UBOX5: variants seen among roughly 807,000 people sequenced by gnomAD.
UBOX5 encodes the protein U-box domain containing 5, also known as RING finger protein 37.
Under a neutral mutation model 39.0 loss-of-function variants are expected in UBOX5, and 28 were observed. That is an observed-to-expected ratio of 0.72 (90% CI 0.53 to 0.98). The LOEUF is 0.98. Ranked by LOEUF, UBOX5 falls within the 50% of genes least tolerant of loss-of-function variation. The pLI is 0.00. For synonymous variants in UBOX5, 283 were observed against 275.5 expected, an observed-to-expected ratio of 1.03 and a Z score of -0.27; for missense variants, 585 against 674.4, an observed-to-expected ratio of 0.87 and a Z score of 1.47.
At chr20:3,124,540 G>A (rs963138758) in intron 1 of UBOX5, among the ~76,000 whole-genome samples, 7 of 152,144 alleles carry the variant, frequency 4.6e-5, no homozygotes, top group South Asian at 2.1e-4. Context: ...CTGCCCGGCC[G>A]CCACCCCATC....
rs2066599368 is a variant in UBOX5 at position 3,149,119 on chromosome 20, G to A, written c.-42+10647C>T. ...TGGCAGTCAGAATACAGTCCTCACA[G>A]ATTTGACCAGGCAATTTCTTGTTTA... On this transcript the variant is annotated intron_variant, in intron 1 of 4. Coordinates refer to ENST00000217173, the MANE Select transcript of UBOX5 (RefSeq NM_014948.4). This position sits in a 1 kb window ranked among gnomAD's most constrained non-coding sequence, Gnocchi z 4.1. 6.5e-7 allele frequency: 1 copy of A among 1,542,274 alleles called. No homozygotes were observed. Among genetic ancestry groups the A allele is most frequent in the Admixed American group, 2.0e-5 (1 of 48,930 alleles).
intron 1 of UBOX5, chr20:3,147,379 A>G: frequency 6.2e-7 from 1 of 1,614,224 alleles, no homozygotes; most frequent in Non-Finnish European, 8.5e-7. Flanking sequence ...TCTCCAGTAA[A>G]AAGACAGTTT....
At chr20:3,132,418 GA>G (rs1258447730) in intron 1 of UBOX5, among the ~76,000 whole-genome samples, 1 of 152,082 alleles carries the variant, frequency 6.6e-6, no homozygotes, top group Non-Finnish European at 1.5e-5. Context: ...TTAGTTATAA[GA>G]AATGTACCGC....
intron 3 of UBOX5, among the ~76,000 whole-genome samples, chr20:3,117,781 CAGG>C: frequency 6.6e-6 from 1 of 152,204 alleles, no homozygotes; most frequent in South Asian, 2.1e-4. Flanking sequence ...CACCTGAGGT[CAGG>C]AGTTCAAGAC....
intron 1 of UBOX5, chr20:3,147,124 C>A: frequency 1.2e-6 from 2 of 1,613,838 alleles, no homozygotes; most frequent in Non-Finnish European, 1.7e-6. Flanking sequence ...GCTGCCCAGG[C>A]TCTGACTCAG....
chr20:3,148,757 T>C lies in UBOX5; in HGVS notation c.-42+11009A>G, dbSNP rs1211359592. 3.1e-6 allele frequency: 5 copies of C among 1,614,120 alleles called. No homozygotes were observed. The African/African-American group carries it at 6.7e-5, about 22-fold the overall frequency. On this transcript the variant is annotated intron_variant, in intron 1 of 4. Coordinates refer to ENST00000217173, the MANE Select transcript of UBOX5 (RefSeq NM_014948.4). Reference sequence around the variant, plus strand: ...TTCAAAGGAATCAAACACTTCTACGTCCTCTTCATCAACTCCTGTGGCCCT... The same window carrying C: ...TTCAAAGGAATCAAACACTTCTACGCCCTCTTCATCAACTCCTGTGGCCCT...
At chr20:3,156,350 G>C (rs887955694) in intron 1 of UBOX5, among the ~76,000 whole-genome samples, 2 of 151,674 alleles carry the variant, frequency 1.3e-5, no homozygotes, top group African/African-American at 4.8e-5. Flanking sequence ...TAATTTTTTT[G>C]TATTTTTTGG....
rs186556899 is a variant in UBOX5 at position 3,132,301 on chromosome 20, C to A, written c.-41-8895G>T. ...CTCCAGCCTGGACAACAGAGTGAGACCCTGTCTCAAAACAAAACAGAACAA... is the reference window on the plus strand; with the variant it reads ...CTCCAGCCTGGACAACAGAGTGAGAACCTGTCTCAAAACAAAACAGAACAA... On this transcript the variant is annotated intron_variant, in intron 1 of 4. Coordinates refer to ENST00000217173, the MANE Select transcript of UBOX5 (RefSeq NM_014948.4). 2.6e-3 allele frequency among the ~76,000 whole-genome samples: 396 copies of A among 152,140 alleles called. 3 individuals are homozygous for A. The highest frequency in any genetic ancestry group is 9.0e-3 in the African/African-American group (375 of 41,504).
At chr20:3,137,244 C>G (rs2066479365) in intron 1 of UBOX5, among the ~76,000 whole-genome samples, 2 of 152,020 alleles carry the variant, frequency 1.3e-5, no homozygotes, top group Non-Finnish European at 2.9e-5. Context: ...CACACCCAAC[C>G]AGAAATTGTT....
chr20:3,146,920 C>G, intron 1 of UBOX5: 1 of 1,614,206 alleles, frequency 6.2e-7, no homozygotes, highest in Non-Finnish European at 8.5e-7. Flanking sequence ...TCATATTGTG[C>G]AGTCCAAGGA....
intron 1 of UBOX5, among the ~76,000 whole-genome samples, chr20:3,137,394 G>C (rs768944649): frequency 6.6e-6 from 1 of 152,030 alleles, no homozygotes; most frequent in Non-Finnish European, 1.5e-5. Context: ...GATTCTCCTT[G>C]AGTAGCTGAG....
intron 1 of UBOX5, chr20:3,148,171 T>C: frequency 6.2e-7 from 1 of 1,613,878 alleles, no homozygotes; most frequent in Non-Finnish European, 8.5e-7. Flanking sequence ...ATTCCAATTT[T>C]TGCATTAGGT....
In UBOX5 at chr20:3,140,614, T is replaced by C. The variant is rs1441572608; in HGVS notation, c.-41-17208A>G. ...CAACTTACCTCTGACTACTGAAACC[T>C]ATCGTCAACATGTAAACACATTCAA... On this transcript the variant is annotated intron_variant, in intron 1 of 4. Coordinates refer to ENST00000217173, the MANE Select transcript of UBOX5 (RefSeq NM_014948.4). Among the ~76,000 whole-genome samples the C allele has an allele frequency of 2.0e-5, 3 of 152,270 alleles. No individual in the cohort carries two copies. The East Asian group carries it at 5.8e-4, about 29-fold the overall frequency.
chr20:3,159,141 C>T (rs1225023010), intron 1 of UBOX5, among the ~76,000 whole-genome samples: 3 of 152,162 alleles, frequency 2.0e-5, no homozygotes, highest in African/African-American at 7.2e-5. Context: ...ACTATTCTTA[C>T]CCACGGAAAG....
chr20:3,121,493 G>A lies in UBOX5; in HGVS notation c.1146C>T (p.Ser382=). 1 of 1,614,066 alleles carries A rather than the reference G, an allele frequency of 6.2e-7. No individual in the cohort carries two copies. The highest frequency in any genetic ancestry group is 8.5e-7 in the Non-Finnish European group (1 of 1,180,028). ...CCAAAGGGCTTGTGGCAGAAAAACA[G>A]GAAGCATTTACACCAAAGTTACTGT... is the stretch of plus-strand genomic sequence containing the variant. ...VPDSNFGVNA[S]CFSATSPLVL... is the part of the protein sequence containing the mutation. Residue 382 remains serine, a synonymous_variant, in exon 3 of 5, where the codon TCC becomes TCT. Transcript: ENST00000217173.
intron 1 of UBOX5, among the ~76,000 whole-genome samples, chr20:3,131,899 T>G (rs1249119221): frequency 6.8e-6 from 1 of 146,780 alleles, no homozygotes; most frequent in Admixed American, 7.1e-5. Flanking sequence ...TCCCAGCTAC[T>G]GGGGAGGCTG....
In UBOX5 at chr20:3,137,347, T is replaced by A. The variant is rs534252957; in HGVS notation, c.-41-13941A>T. Among the ~76,000 whole-genome samples the A allele has an allele frequency of 5.1e-4, 78 of 152,312 alleles. 1 individual carries two copies. Among genetic ancestry groups the A allele is most frequent in the African/African-American group, 1.6e-3 (67 of 41,580 alleles). On this transcript the variant is annotated intron_variant, in intron 1 of 4. Coordinates refer to ENST00000217173, the MANE Select transcript of UBOX5 (RefSeq NM_014948.4). ...ATACAGAGAGATCCCACATACTCTT[T>A]CAGGCTCACTGCAACCTCCGCCTCC...
intron 1 of UBOX5, chr20:3,146,711 C>T: frequency 6.6e-7 from 1 of 1,515,098 alleles, no homozygotes; most frequent in Non-Finnish European, 8.9e-7. Flanking sequence ...CTTTTATAAT[C>T]ATTTTGCAAC....
intron 1 of UBOX5, among the ~76,000 whole-genome samples, chr20:3,142,636 G>A (rs2066526952): frequency 6.7e-6 from 1 of 149,080 alleles, no homozygotes; most frequent in South Asian, 2.1e-4. Context: ...TGCCGGGCTT[G>A]GTGGCACACT....
Sources: allele counts gnomAD v4.1 joint callset (sites outside exome capture counted in the v4.1 genomes callset), GRCh38; gene constraint gnomAD v4.1.1; non-coding constraint Gnocchi (gnomAD v3.1); transcripts MANE v1.5; gene names NCBI Gene and HGNC (gene_info 2026-07-23, HGNC 2026-07-21).